GLDN: variants seen among roughly 807,000 people sequenced by gnomAD.
The protein encoded by GLDN is gliomedin.
GLDN carries 47 observed loss-of-function variants against 56.5 expected under a neutral mutation model. That is an observed-to-expected ratio of 0.83 (90% CI 0.66 to 1.06). The LOEUF (loss-of-function observed/expected upper bound fraction) is 1.06. Ranked by LOEUF, GLDN falls within the 50% of genes least tolerant of loss-of-function variation. GLDN has a pLI of 0.00. For synonymous variants in GLDN, 332 were observed against 278.8 expected, an observed-to-expected ratio of 1.19 and a Z score of -1.90; for missense variants, 782 against 714.3, an observed-to-expected ratio of 1.09 and a Z score of -1.08.
intron 1 of GLDN, among the ~76,000 whole-genome samples, chr15:51,376,391 C>G (rs1221476955): frequency 6.6e-6 from 1 of 152,196 alleles, no homozygotes; most frequent in African/African-American, 2.4e-5. Context: ...GTATAGGACA[C>G]TTACCATGAA....
intron 1 of GLDN, among the ~76,000 whole-genome samples, chr15:51,373,717 G>C (rs1198091126): frequency 3.9e-5 from 6 of 152,194 alleles, no homozygotes; most frequent in Non-Finnish European, 8.8e-5. Flanking sequence ...GGGCAGGGAG[G>C]GGGAGAGCAC....
In GLDN at chr15:51,404,607, G is replaced by T; in HGVS notation, c.1509G>T (p.Gln503His). ...CCTTTGATTTGTTAGGAGGGAAACA[G>T]ATCAATGCAAACTTTGATTTAAGAA... ...TFAFDLLGGKQINANFDLRTS... is the reference protein window; with the variant it reads ...TFAFDLLGGKHINANFDLRTS... The change falls in exon 10 of 10, where the codon CAG becomes CAT. Residue 503 changes from glutamine to histidine, a missense_variant. Gln to His is a conservative substitution (Grantham distance 24, BLOSUM62 0). Coordinates refer to ENST00000335449, the MANE Select transcript of GLDN (RefSeq NM_181789.4). 2 of 1,614,072 alleles carry T rather than the reference G, an allele frequency of 1.2e-6. No homozygotes were observed. Among genetic ancestry groups the T allele is most frequent in the Non-Finnish European group, 1.7e-6 (2 of 1,179,928 alleles).
At chr15:51,375,656 A>G (rs1249016724) in intron 1 of GLDN, among the ~76,000 whole-genome samples, 4 of 152,208 alleles carry the variant, frequency 2.6e-5, no homozygotes, top group Non-Finnish European at 4.4e-5. Flanking sequence ...GCCATGCTGC[A>G]GTGACCACCT....
chr15:51,398,385 G>A (rs192680174), intron 6 of GLDN, among the ~76,000 whole-genome samples: 79 of 152,332 alleles, frequency 5.2e-4, no homozygotes, highest in African/African-American at 1.8e-3. Flanking sequence ...TTTTATTAAT[G>A]GAAAATACTT....
At chr15:51,366,667 C>T (rs1196578180) in intron 1 of GLDN, among the ~76,000 whole-genome samples, 1 of 152,154 alleles carries the variant, frequency 6.6e-6, no homozygotes, top group Non-Finnish European at 1.5e-5. Context: ...AATCCCAGGA[C>T]TGTGGGAGGC....
At chr15:51,375,424 T>C (rs1460044619) in intron 1 of GLDN, among the ~76,000 whole-genome samples, 3 of 152,268 alleles carry the variant, frequency 2.0e-5, no homozygotes, top group African/African-American at 7.2e-5. Flanking sequence ...TGTGCAGCAC[T>C]GTTTTACATG....
intron 1 of GLDN, among the ~76,000 whole-genome samples, chr15:51,351,931 C>T (rs373701568): frequency 2.6e-5 from 4 of 152,244 alleles, no homozygotes; most frequent in East Asian, 3.9e-4. Flanking sequence ...TTAGGTTGTT[C>T]GGATGTTTAA....
intron 4 of GLDN, among the ~76,000 whole-genome samples, chr15:51,386,572 C>T (rs979896643): frequency 6.6e-6 from 1 of 152,192 alleles, no homozygotes; most frequent in African/African-American, 2.4e-5. Flanking sequence ...AAGTGGGAGA[C>T]AGTGATGGGA....
At chr15:51,387,141 C>A (rs911805321) in intron 4 of GLDN, among the ~76,000 whole-genome samples, 1 of 151,910 alleles carries the variant, frequency 6.6e-6, no homozygotes, top group Non-Finnish European at 1.5e-5. Context: ...CCTCAGGTGA[C>A]AAAGTAGAAG....
At position 51,341,705 on chromosome 15, in the gene GLDN, A is replaced by T; in HGVS notation, c.21A>T (p.Gly7=). 1 of 1,427,180 alleles carries T rather than the reference A, an allele frequency of 7.0e-7. No individual in the cohort carries two copies. The highest frequency in any genetic ancestry group is 2.9e-5 in the East Asian group (1 of 34,908). The allele number at this position is 1,427,180 out of a possible 1,614,324, so 88.4% of individuals were successfully genotyped here. MARGAE[G]GRGDAGWGLR... ...AGAGCATGGCCCGAGGCGCTGAGGG[A>T]GGCCGTGGGGACGCGGGTTGGGGCC... The change falls in exon 1 of 10, where the codon GGA becomes GGT. Residue 7 remains glycine, a synonymous_variant. Transcript: ENST00000335449.
Position 51,341,707 on chromosome 15 carries a change from G to A in GLDN, c.23G>A (p.Gly8Asp). ...AGCATGGCCCGAGGCGCTGAGGGAG[G>A]CCGTGGGGACGCGGGTTGGGGCCTG... MARGAEG[G>D]RGDAGWGLRG... The change falls in exon 1 of 10, where the codon GGC becomes GAC. Residue 8 changes from glycine to aspartate, a missense_variant. Coordinates refer to ENST00000335449, the MANE Select transcript of GLDN (RefSeq NM_181789.4). 7.0e-7 allele frequency: 1 copy of A among 1,429,402 alleles called. No individual in the cohort carries two copies. The allele number at this position is 1,429,402 out of a possible 1,614,324, so 88.5% of individuals were successfully genotyped here.
chr15:51,393,634 A>G (rs1297031904), intron 4 of GLDN, among the ~76,000 whole-genome samples: 4 of 152,076 alleles, frequency 2.6e-5, no homozygotes, highest in African/African-American at 9.7e-5. Context: ...TATCTTGCAA[A>G]TTCTAGCCGT....
At position 51,341,764 on chromosome 15, in the gene GLDN, C is replaced by G; in HGVS notation, c.80C>G (p.Ser27Trp). The stretch of plus-strand genomic sequence containing the variant: ...GCCCTGGCGGCCGTGGCGCTGCTCT[C>G]GGCGCTCAACGCTGCGGGCACGGTG... ...RGALAAVALL[S>W]ALNAAGTVFA... The change falls in exon 1 of 10, where the codon TCG becomes TGG. Residue 27 changes from serine (S) to tryptophan (W), a missense_variant. Transcript: ENST00000335449. 1 of 1,486,758 alleles carries G rather than the reference C, an allele frequency of 6.7e-7. No homozygotes were observed. The highest frequency in any genetic ancestry group is 8.9e-7 in the Non-Finnish European group (1 of 1,128,656). The allele number at this position is 1,486,758 out of a possible 1,614,324, so 92.1% of individuals were successfully genotyped here.
chr15:51,348,458 G>A (rs912840048), intron 1 of GLDN, among the ~76,000 whole-genome samples: 3 of 151,956 alleles, frequency 2.0e-5, no homozygotes, highest in Non-Finnish European at 2.9e-5. Context: ...TCAGCCTCCT[G>A]AGTATCTGGG....
In GLDN at chr15:51,383,436, G is replaced by T. The variant is rs757477643; in HGVS notation, c.416G>T (p.Gly139Val). 6.2e-7 allele frequency: 1 copy of T among 1,613,982 alleles called. No individual in the cohort carries two copies. The highest frequency in any genetic ancestry group is 1.1e-5 in the South Asian group (1 of 91,058). ...CNSTKGICLT[G>V]PSGPPGPPGA... ...CAACTAAATTTTTTTTCCGTTGTAGGACCTTCTGGACCACCAGGTAAGAGC... is the reference window on the plus strand; with the variant it reads ...CAACTAAATTTTTTTTCCGTTGTAGTACCTTCTGGACCACCAGGTAAGAGC... The change falls in exon 3 of 10, where the codon GGA becomes GTA. Residue 139 changes from glycine to valine, a missense_variant and splice_region_variant. Physicochemically the swap from Gly to Val is moderately radical, Grantham distance 109. Coordinates refer to ENST00000335449, the MANE Select transcript of GLDN (RefSeq NM_181789.4).
intron 1 of GLDN, among the ~76,000 whole-genome samples, chr15:51,376,017 G>A (rs778805661): frequency 3.3e-5 from 5 of 152,280 alleles, no homozygotes; most frequent in Admixed American, 1.3e-4. Context: ...AAATTCTCTT[G>A]ATGATGTTGA....
At chr15:51,399,497 A>AG (rs2038204243) in intron 6 of GLDN, among the ~76,000 whole-genome samples, 1 of 152,198 alleles carries the variant, frequency 6.6e-6, no homozygotes, top group Non-Finnish European at 1.5e-5. Flanking sequence ...CCATTCATTA[A>AG]GGGGGACACT....
chr15:51,359,831 T>C (rs1266014805), intron 1 of GLDN, among the ~76,000 whole-genome samples: 1 of 151,708 alleles, frequency 6.6e-6, no homozygotes, highest in Non-Finnish European at 1.5e-5. Flanking sequence ...AAAAAAAAAT[T>C]AGCCAGGCAT....
At chr15:51,398,973 C>T (rs534041777) in intron 6 of GLDN, among the ~76,000 whole-genome samples, 21 of 152,308 alleles carry the variant, frequency 1.4e-4, no homozygotes, top group African/African-American at 5.1e-4. Context: ...GGATGCAGAG[C>T]AGGGAAAATG....
Sources: gnomAD v4.1 joint callset for allele counts (sites outside exome capture counted in the v4.1 genomes callset) on GRCh38, gnomAD v4.1.1 for gene constraint, MANE v1.5 for transcripts, NCBI Gene and HGNC (gene_info 2026-07-23, HGNC 2026-07-21) for gene names.